The following LZTFL1 variants were observed in gnomAD, a reference collection of about 807,000 sequenced individuals.
LZTFL1 encodes leucine zipper transcription factor like 1, also known as leucine zipper transcription factor-like protein 1.
LZTFL1 carries 25 observed loss-of-function variants against 45.9 expected under a neutral mutation model. The observed-to-expected ratio is 0.54, with a 90% confidence interval of 0.40 to 0.76. LZTFL1 has a LOEUF of 0.76. Among genes scored for constraint, LZTFL1 ranks in the 30% least tolerant of loss-of-function variants. LZTFL1 has a pLI of 0.00. For missense variants in LZTFL1, 277 were observed against 331.1 expected (o/e 0.84, Z 1.27); for synonymous variants, 93 against 117.4 (o/e 0.79, Z 1.35).
intron 2 of LZTFL1, chr3:45,883,715 A>G: frequency 1.7e-6 from 1 of 573,894 alleles, no homozygotes; most frequent in Non-Finnish European, 3.3e-6. Context: ...AAAAGGCTAA[A>G]GCTGAAAGTG....
At chr3:45,875,526 C>T (rs74426244) in intron 2 of LZTFL1, among the ~76,000 whole-genome samples, 11,552 of 152,120 alleles carry the variant, frequency 0.076, 487 homozygotes, top group African/African-American at 0.1. Flanking sequence ...AGCATGAATA[C>T]AAAAATAATA....
At chr3:45,848,448 A>G (rs1352175733) in intron 4 of LZTFL1, among the ~76,000 whole-genome samples, 1 of 152,234 alleles carries the variant, frequency 6.6e-6, no homozygotes, top group Non-Finnish European at 1.5e-5. Context: ...TTTAAGGCTT[A>G]CAGTATTGCG....
At chr3:45,883,837 G>A in intron 2 of LZTFL1, 2 of 543,174 alleles carry the variant, frequency 3.7e-6, no homozygotes, top group Non-Finnish European at 6.9e-6. Context: ...CCACGGAGTA[G>A]GCCATCACAG....
rs1246744284 is a variant in LZTFL1, at chr3:45,900,411, C to CT, written c.-215+12708_-215+12709insA. Among the ~76,000 whole-genome samples the CT allele has an allele frequency of 2.0e-5, 3 of 152,098 alleles. No individual in the cohort carries two copies. Among genetic ancestry groups the CT allele is most frequent in the African/African-American group, 7.2e-5 (3 of 41,398 alleles). On this transcript the variant is annotated intron_variant, in intron 2 of 4. Transcript: ENST00000472635. The surrounding 1 kb of genome is among the most constrained non-coding windows in gnomAD (Gnocchi z 4.7). Reference sequence around the variant, plus strand: ...ACTGAATAGATAGGAGAAGTACGATCACAGTCATATCACAGTTTGATAAAA... The same window carrying CT: ...ACTGAATAGATAGGAGAAGTACGATCTACAGTCATATCACAGTTTGATAAAA...
At chr3:45,844,453 T>TA (rs780715566), upstream of LZTFL1, among the ~76,000 whole-genome samples, 44 of 146,408 alleles carry the variant, frequency 3.0e-4, no homozygotes, top group East Asian at 7.9e-4. Context: ...AATGATTAAG[T>TA]AAAAAAAAAA....
At chr3:45,831,233 T>A in intron 5 of LZTFL1, 95 bp from the exon 6 acceptor site, 1 of 696,852 alleles carries the variant, frequency 1.4e-6, no homozygotes, top group Non-Finnish European at 2.3e-6. Flanking sequence ...TTTTTAAATT[T>A]AAATTACATA....
intron 7 of LZTFL1, 148 bp from the exon 8 acceptor site, chr3:45,828,763 C>T (rs995517653): frequency 7.4e-6 from 5 of 676,400 alleles, no homozygotes; most frequent in Non-Finnish European, 9.9e-6. Flanking sequence ...AGGTAAGTGC[C>T]AGCCCCTTCA....
chr3:45,828,533 T>C lies in LZTFL1; in HGVS notation c.683A>G (p.Asp228Gly). 4 of 1,614,214 alleles carry C rather than the reference T, an allele frequency of 2.5e-6. No homozygotes were observed. The highest frequency in any genetic ancestry group is 3.4e-6 in the Non-Finnish European group (4 of 1,180,024). Residue 228 changes from aspartate to glycine, a missense_variant, in exon 8 of 10, where the codon GAC (aspartate) becomes GGC (glycine). Transcript: ENST00000296135. Reference sequence around the variant, plus strand: ...CAGTGACTTCTGGTTTTCTGTCTTGTCATTAAGTGTCTTCTGAAACTCACT... The same window carrying C: ...CAGTGACTTCTGGTTTTCTGTCTTGCCATTAAGTGTCTTCTGAAACTCACT... ...LKSEFQKTLNDKTENQKSLEE... is the reference protein window; with the variant it reads ...LKSEFQKTLNGKTENQKSLEE...
Position 45,835,796 on chromosome 3 carries a change from C to T in LZTFL1, c.129-12G>A. ...TGTCCTCCACCAGCCTGAAAAACAA[C>T]CATGATCCAAAACTTATAGAAAAAC... On this transcript the variant is annotated splice_polypyrimidine_tract_variant and intron_variant, in intron 2 of 9. Coordinates refer to ENST00000296135, the MANE Select transcript of LZTFL1 (RefSeq NM_020347.4). 2.5e-6 allele frequency: 4 copies of T among 1,576,040 alleles called. No individual in the cohort carries two copies. The East Asian group carries it at 6.8e-5, about 27-fold the overall frequency.
At chr3:45,897,471 T>C (rs1702394218) in intron 2 of LZTFL1, 1 of 794,430 alleles carries the variant, frequency 1.3e-6, no homozygotes, top group Admixed American at 2.0e-5. Flanking sequence ...CTTGGGAGTG[T>C]TAGCTGTGCC....
chr3:45,880,345 T>C (rs1240881361), intron 2 of LZTFL1, among the ~76,000 whole-genome samples: 2 of 151,912 alleles, frequency 1.3e-5, no homozygotes, highest in African/African-American at 2.4e-5. Context: ...CTACTAAAAA[T>C]ACAAAAATTA....
At chr3:45,913,318 T>C (rs1702836796) in intron 1 of LZTFL1, 1 of 617,704 alleles carries the variant, frequency 1.6e-6, no homozygotes, top group Non-Finnish European at 2.8e-6. Context: ...TTTTTTTTTT[T>C]TGGCCTCATC....
chr3:45,861,437 A>G (rs919294904), intron 2 of LZTFL1, among the ~76,000 whole-genome samples: 2 of 152,206 alleles, frequency 1.3e-5, no homozygotes, highest in African/African-American at 4.8e-5. Context: ...CTTATTCCTG[A>G]AAGGTTTTTC....
chr3:45,865,028 T>C (rs1701554692), intron 2 of LZTFL1, among the ~76,000 whole-genome samples: 2 of 152,160 alleles, frequency 1.3e-5, no homozygotes, highest in Admixed American at 1.3e-4. Context: ...ATAAACCGAA[T>C]GTGATGGCAG....
At chr3:45,829,607 A>AG (rs1459658485) in intron 7 of LZTFL1, among the ~76,000 whole-genome samples, 175 of 140,178 alleles carry the variant, frequency 1.2e-3, no homozygotes, top group African/African-American at 4.0e-3. Context: ...CTGTCTCAAA[A>AG]GAAAAAAAAA....
chr3:45,828,394 T>C (rs1435158597), intron 8 of LZTFL1, 45 bp downstream of exon 8: 1 of 1,541,702 alleles, frequency 6.5e-7, no homozygotes, highest in Non-Finnish European at 8.9e-7. Context: ...CTGTGTGCAT[T>C]AATCATGCAT....
At position 45,826,081 on chromosome 3, in the gene LZTFL1, A is replaced by C; in HGVS notation, c.*233T>G. Reference sequence around the variant, plus strand: ...CTGTAAAGAATTCTCAGTGCATGTGAGCTAAGACTCTGGAGCACTCAGTAG... The same window carrying C: ...CTGTAAAGAATTCTCAGTGCATGTGCGCTAAGACTCTGGAGCACTCAGTAG... On this transcript the variant is annotated 3_prime_UTR_variant, in exon 10 of 10. Transcript: ENST00000296135. 2.1e-6 allele frequency: 1 copy of C among 472,952 alleles called. No individual in the cohort carries two copies. Among genetic ancestry groups the C allele is most frequent in the South Asian group, 4.2e-5 (1 of 23,728 alleles). 29.3% of individuals were successfully genotyped at this position (472,952 alleles called of 1,614,324 possible). A position where few individuals can be genotyped will look rare whatever the true frequency, so the allele number is the denominator to read the frequency against.
intron 2 of LZTFL1, among the ~76,000 whole-genome samples, chr3:45,907,010 C>G (rs899069648): frequency 6.6e-6 from 1 of 152,204 alleles, no homozygotes; most frequent in Non-Finnish European, 1.5e-5. Context: ...GCTGTCCCCA[C>G]GTGGCCCCAG....
chr3:45,871,086 T>G lies in LZTFL1; in HGVS notation c.-214-12070A>C, dbSNP rs535184436. Reference sequence around the variant, plus strand: ...AGTATTCCATAGAATGAAAGTACCATCCTTTATGTAATCACCATCTCCTTG... The same window carrying G: ...AGTATTCCATAGAATGAAAGTACCAGCCTTTATGTAATCACCATCTCCTTG... On this transcript the variant is annotated intron_variant, in intron 2 of 4. Coordinates refer to the LZTFL1 transcript ENST00000472635. 1.9e-4 allele frequency among the ~76,000 whole-genome samples: 29 copies of G among 152,308 alleles called. 1 individual carries two copies. In the South Asian group the frequency reaches 6.0e-3, roughly 32 times the overall value.
Sources: allele counts gnomAD v4.1 joint callset (sites outside exome capture counted in the v4.1 genomes callset), GRCh38; gene constraint gnomAD v4.1.1; non-coding constraint Gnocchi (gnomAD v3.1); transcripts MANE v1.5; gene names NCBI Gene and HGNC (gene_info 2026-07-23, HGNC 2026-07-21).